THEMIS: variants seen among roughly 807,000 people sequenced by gnomAD.
The protein encoded by THEMIS is protein THEMIS.
In THEMIS, 37 loss-of-function variants were observed where a neutral mutation model predicts 52.6. The ratio of observed to expected loss-of-function variants is 0.70; its 90% confidence interval spans 0.54 to 0.93. The LOEUF (loss-of-function observed/expected upper bound fraction) is 0.93. Ranked by LOEUF, THEMIS falls within the 40% of genes least tolerant of loss-of-function variation. The pLI is 0.00. For synonymous variants in THEMIS, 292 were observed against 272.7 expected (o/e 1.07, Z -0.70); for missense variants, 808 against 763.1 (o/e 1.06, Z -0.69).
rs555171455 is a variant in THEMIS at position 127,884,720 on chromosome 6, C to T, written c.91+16122G>A. The stretch of plus-strand genomic sequence containing the variant: ...TGCCTCGTACTGCCGTAACAAAATA[C>T]CATAGACTGGGTAGTTTAAATAATA... On this transcript the variant is annotated intron_variant, in intron 1 of 5. Transcript: ENST00000368248. 2.6e-5 allele frequency among the ~76,000 whole-genome samples: 4 copies of T among 152,226 alleles called. No individual in the cohort carries two copies. The South Asian group carries it at 8.3e-4, about 32-fold the overall frequency.
At chr6:127,835,819 C>A (rs909230680) in intron 2 of THEMIS, among the ~76,000 whole-genome samples, 1 of 152,104 alleles carries the variant, frequency 6.6e-6, no homozygotes, top group East Asian at 1.9e-4. Flanking sequence ...CTCAGGTGAC[C>A]TCTTTAGGTG....
chr6:127,909,325 CAT>C (rs756232508), intron 1 of THEMIS, among the ~76,000 whole-genome samples: 8 of 152,078 alleles, frequency 5.3e-5, no homozygotes, highest in Non-Finnish European at 1.2e-4. Flanking sequence ...ATAATACCCA[CAT>C]GTCAAGAGTG....
intron 4 of THEMIS, among the ~76,000 whole-genome samples, chr6:127,774,333 G>C (rs1255701008): frequency 6.6e-6 from 1 of 152,224 alleles, no homozygotes; most frequent in Non-Finnish European, 1.5e-5. Context: ...AGCCTCCCGA[G>C]TAGCTGGGAC....
At chr6:127,743,966 C>T (rs1224656389) in intron 4 of THEMIS, among the ~76,000 whole-genome samples, 3 of 151,828 alleles carry the variant, frequency 2.0e-5, no homozygotes, top group African/African-American at 7.3e-5. Context: ...ATAGTAAAGA[C>T]AAAAAACTGA....
chr6:127,698,809 T>G, the THEMIS span, among the ~76,000 whole-genome samples: 1 of 150,522 alleles, frequency 6.6e-6, no homozygotes, highest in South Asian at 2.1e-4. Context: ...AATGTATTTC[T>G]TCATTTTGTG....
chr6:127,732,699 A>G (rs1443186522), intron 4 of THEMIS, among the ~76,000 whole-genome samples: 1 of 152,234 alleles, frequency 6.6e-6, no homozygotes, highest in Non-Finnish European at 1.5e-5. Flanking sequence ...CCATAGCATC[A>G]TTCCATTGTA....
In THEMIS at chr6:127,901,006, T is replaced by G; in HGVS notation, c.-74A>C. 3.5e-6 allele frequency: 4 copies of G among 1,141,820 alleles called. No homozygotes were observed. The South Asian group carries it at 4.9e-5, about 14-fold the overall frequency. 70.7% of individuals were successfully genotyped at this position (1,141,820 alleles called of 1,614,324 possible). On this transcript the variant is annotated 5_prime_UTR_variant, in exon 1 of 6. Coordinates refer to ENST00000368248, the MANE Select transcript of THEMIS (RefSeq NM_001010923.3). ...GCTTCTGGGTGACACTTGTCTGCAA[T>G]TGCAGCCCCTGCTCACCATTTCTTC... is the stretch of plus-strand genomic sequence containing the variant.
chr6:127,863,640 A>G (rs1779879761), intron 1 of THEMIS, among the ~76,000 whole-genome samples: 1 of 152,184 alleles, frequency 6.6e-6, no homozygotes, highest in Non-Finnish European at 1.5e-5. Context: ...TGCCCATTAT[A>G]AAACTACCGG....
intron 1 of THEMIS, among the ~76,000 whole-genome samples, chr6:127,857,424 T>C (rs1779653447): frequency 6.6e-6 from 1 of 151,986 alleles, no homozygotes; most frequent in Non-Finnish European, 1.5e-5. Flanking sequence ...AAACTTCAAG[T>C]ACTTTGTTAT....
intron 1 of THEMIS, among the ~76,000 whole-genome samples, chr6:127,873,552 A>G (rs1022676142): frequency 6.6e-6 from 1 of 152,244 alleles, no homozygotes; most frequent in African/African-American, 2.4e-5. Flanking sequence ...AAGCTTTTTA[A>G]AGAACAACAA....
intron 1 of THEMIS, among the ~76,000 whole-genome samples, chr6:127,914,382 T>C (rs192360930): frequency 3.3e-5 from 5 of 152,322 alleles, no homozygotes; most frequent in Admixed American, 3.3e-4. Context: ...GATTTCATTA[T>C]GAAACATAGT....
At chr6:127,725,513 A>C (rs1774512822) in intron 4 of THEMIS, among the ~76,000 whole-genome samples, 1 of 151,908 alleles carries the variant, frequency 6.6e-6, no homozygotes, top group Non-Finnish European at 1.5e-5. Flanking sequence ...CACCATAAAT[A>C]ATTTAGAAGA....
At chr6:127,743,043 A>G (rs1775263639) in intron 4 of THEMIS, among the ~76,000 whole-genome samples, 1 of 152,204 alleles carries the variant, frequency 6.6e-6, no homozygotes, top group East Asian at 1.9e-4. Flanking sequence ...AAATTATTTT[A>G]GAAATAATAT....
intron 4 of THEMIS, among the ~76,000 whole-genome samples, chr6:127,768,143 T>G (rs775933113): frequency 6.6e-6 from 1 of 152,210 alleles, no homozygotes; most frequent in Non-Finnish European, 1.5e-5. Context: ...ACAATTTACA[T>G]CTGAGGCTAG....
intron 4 of THEMIS, among the ~76,000 whole-genome samples, chr6:127,725,397 T>C (rs1337844188): frequency 6.6e-6 from 1 of 151,968 alleles, no homozygotes; most frequent in East Asian, 1.9e-4. Flanking sequence ...ATTATCATTG[T>C]AGAAATGCAT....
intron 2 of THEMIS, among the ~76,000 whole-genome samples, chr6:127,845,061 A>G (rs1019170980): frequency 1.3e-5 from 2 of 151,834 alleles, no homozygotes; most frequent in East Asian, 1.9e-4. Flanking sequence ...AGTAAAAAAA[A>G]AAAAGGCTCC....
rs748726896 is a variant in THEMIS at position 127,813,471 on chromosome 6, C to T, written c.1170G>A (p.Leu390=). ...LSSVSVGDQF[L]VHQSETTEVL... is the part of the protein sequence containing the mutation. ...CTTCAGTCGTCTCTGACTGATGCAC[C>T]AGAAACTGGTCCCCAACAGATACGG... Residue 390 remains leucine, a synonymous_variant, in exon 4 of 6, where the codon CTG becomes CTA. Coordinates refer to ENST00000368248, the MANE Select transcript of THEMIS (RefSeq NM_001010923.3). The T allele has an allele frequency of 3.7e-6, 6 of 1,613,856 alleles. No homozygotes were observed. In the South Asian group the frequency reaches 6.6e-5, roughly 18 times the overall value.
At chr6:127,837,354 A>T (rs1183209466) in intron 2 of THEMIS, among the ~76,000 whole-genome samples, 5 of 152,106 alleles carry the variant, frequency 3.3e-5, no homozygotes, top group African/African-American at 1.2e-4. Flanking sequence ...AAATTTTTAA[A>T]AGATAATAAT....
At chr6:127,862,386 C>T (rs1779830960) in intron 1 of THEMIS, among the ~76,000 whole-genome samples, 1 of 144,538 alleles carries the variant, frequency 6.9e-6, no homozygotes, top group African/African-American at 2.5e-5. Context: ...CTATACAGCT[C>T]AGTTCCAAAG....
Sources: allele counts gnomAD v4.1 joint callset (sites outside exome capture counted in the v4.1 genomes callset), GRCh38; gene constraint gnomAD v4.1.1; transcripts MANE v1.5; gene names NCBI Gene and HGNC (gene_info 2026-07-23, HGNC 2026-07-21).